USP18: variants seen among roughly 807,000 people sequenced by gnomAD.
USP18 encodes ubiquitin specific peptidase 18, also known as ubl carboxyl-terminal hydrolase 18.
A neutral mutation model predicts 48.7 loss-of-function variants in USP18; 11 were observed. The observed-to-expected ratio is 0.23, with a 90% CI of 0.14 to 0.37. The LOEUF is 0.37. Ranked by LOEUF, USP18 falls within the 10% of genes least tolerant of loss-of-function variation. The pLI is 1.00. For missense variants in USP18, 285 were observed against 436.4 expected (o/e 0.65, Z 3.09); for synonymous variants, 114 against 163.2 (o/e 0.70, Z 2.30).
At position 18,171,652 on chromosome 22, in the gene USP18, T is replaced by TA. The variant is rs991088357; in HGVS notation, c.891+742dup. On this transcript the variant is annotated intron_variant, in intron 8 of 10. Transcript: ENST00000215794. ...TCTCTAAAAACAAAACAAGAAAAAC[T>TA]AAAAAAAAAAGACACAAATATCTTT... is the stretch of plus-strand genomic sequence containing the variant. Among the ~76,000 whole-genome samples the TA allele has an allele frequency of 1.8e-3, 270 of 146,100 alleles. 3 individuals are homozygous for TA. Among genetic ancestry groups the TA allele is most frequent in the South Asian group, 0.013 (58 of 4,576 alleles).
chr22:18,162,891 C>T (rs1282394038), intron 4 of USP18, among the ~76,000 whole-genome samples: 1 of 151,632 alleles, frequency 6.6e-6, no homozygotes, highest in Non-Finnish European at 1.5e-5. Flanking sequence ...CACTCTCCTC[C>T]TTCTGGGACT....
At chr22:18,171,416 G>A (rs1316247028) in intron 8 of USP18, among the ~76,000 whole-genome samples, 2 of 143,164 alleles carry the variant, frequency 1.4e-5, no homozygotes, top group East Asian at 4.0e-4. Context: ...GATTGCTTGA[G>A]CCCAGGAGTT....
At chr22:18,160,750 C>T (rs1423628916) in intron 3 of USP18, among the ~76,000 whole-genome samples, 7 of 149,492 alleles carry the variant, frequency 4.7e-5, no homozygotes, top group African/African-American at 9.9e-5. Context: ...GTCTGGGGTG[C>T]GACCCAAGTA....
chr22:18,157,915 G>A, intron 2 of USP18, 95 bp downstream of exon 2: 1 of 1,508,404 alleles, frequency 6.6e-7, no homozygotes. Context: ...GTATTCGACG[G>A]CTCATGCTTT....
intron 8 of USP18, among the ~76,000 whole-genome samples, chr22:18,171,903 T>C (rs1035166020): frequency 1.5e-4 from 23 of 152,134 alleles, no homozygotes; most frequent in South Asian, 2.1e-4. Flanking sequence ...TCTTTTTCTT[T>C]CCTTCTAGTT....
chr22:18,173,749 T>C (rs754024237), intron 9 of USP18, 44 bp from the exon 10 acceptor site: 5 of 1,604,746 alleles, frequency 3.1e-6, no homozygotes, highest in Non-Finnish European at 3.4e-6. Context: ...CTGTGGGTGC[T>C]TGTGTCAGCT....
At chr22:18,168,687 C>A (rs1929549077) in intron 6 of USP18, among the ~76,000 whole-genome samples, 1 of 152,064 alleles carries the variant, frequency 6.6e-6, no homozygotes, top group Non-Finnish European at 1.5e-5. Context: ...TTGCCCTCCC[C>A]AATTATCTCT....
Position 18,169,832 on chromosome 22 carries a change from T to G in USP18, c.628-12T>G, listed in dbSNP as rs1344906986. On this transcript the variant is annotated splice_polypyrimidine_tract_variant and intron_variant, in intron 6 of 10. Coordinates refer to ENST00000215794, the MANE Select transcript of USP18 (RefSeq NM_017414.4). Reference sequence around the variant, plus strand: ...CAACGCTGCTTTTTCCCTGTTCTCTTGGGTGGGACAGGAGGACGCCCTGCA... The same window carrying G: ...CAACGCTGCTTTTTCCCTGTTCTCTGGGGTGGGACAGGAGGACGCCCTGCA... The G allele has an allele frequency of 1.9e-6, 3 of 1,577,412 alleles. No homozygotes were observed. In the South Asian group the frequency reaches 3.5e-5, roughly 18 times the overall value.
chr22:18,167,501 T>C (rs540226667), intron 5 of USP18, among the ~76,000 whole-genome samples, 167 bp downstream of exon 5: 2 of 152,078 alleles, frequency 1.3e-5, no homozygotes, highest in East Asian at 3.9e-4. Flanking sequence ...ATCGAGACCA[T>C]CCTGGCTAAC....
intron 1 of USP18, among the ~76,000 whole-genome samples, chr22:18,155,073 C>T (rs1051263265): frequency 3.9e-5 from 6 of 152,256 alleles, no homozygotes; most frequent in African/African-American, 1.2e-4. Flanking sequence ...TGCCTGAAGG[C>T]CATAGCTGCC....
At chr22:18,157,090 A>G (rs896820774) in intron 1 of USP18, among the ~76,000 whole-genome samples, 2 of 152,232 alleles carry the variant, frequency 1.3e-5, no homozygotes, top group African/African-American at 4.8e-5. Flanking sequence ...GCCTGCCTGC[A>G]GCTAAGGTTT....
intron 10 of USP18, among the ~76,000 whole-genome samples, chr22:18,174,233 CTT>C (rs1383221696): frequency 5.1e-5 from 7 of 136,430 alleles, no homozygotes; most frequent in Non-Finnish European, 3.1e-5. Flanking sequence ...CTTTTCTTTT[CTT>C]TTTTTTTTTT....
At chr22:18,174,258 G>A (rs1002249890) in intron 10 of USP18, among the ~76,000 whole-genome samples, 18 of 145,408 alleles carry the variant, frequency 1.2e-4, no homozygotes, top group African/African-American at 3.9e-4. Context: ...ACGGAGTCTC[G>A]CTCTGTTGCC....
intron 1 of USP18, among the ~76,000 whole-genome samples, chr22:18,151,857 C>T (rs1385806622): frequency 6.6e-6 from 1 of 152,106 alleles, no homozygotes; most frequent in Non-Finnish European, 1.5e-5. Flanking sequence ...GAGATCAAGA[C>T]CATCCTAGCT....
chr22:18,165,085 G>T (rs1402608008), intron 4 of USP18, among the ~76,000 whole-genome samples: 1 of 135,434 alleles, frequency 7.4e-6, no homozygotes, highest in African/African-American at 2.8e-5. Flanking sequence ...GTTTTACCGT[G>T]TGTCCATGGG....
intron 10 of USP18, among the ~76,000 whole-genome samples, chr22:18,174,374 T>C (rs1365806531): frequency 6.6e-6 from 1 of 151,614 alleles, no homozygotes; most frequent in Non-Finnish European, 1.5e-5. Flanking sequence ...ACTACAGGTG[T>C]GTGCCACCAC....
intron 3 of USP18, among the ~76,000 whole-genome samples, chr22:18,160,751 G>A (rs748589818): frequency 4.7e-5 from 7 of 149,612 alleles, no homozygotes; most frequent in Non-Finnish European, 8.9e-5. Flanking sequence ...TCTGGGGTGC[G>A]ACCCAAGTAT....
rs1307510763 is a variant in USP18 at position 18,173,102 on chromosome 22, T to C, written c.892-48T>C. 1.2e-5 allele frequency: 20 copies of C among 1,604,036 alleles called. No individual in the cohort carries two copies. In the African/African-American group the frequency reaches 2.2e-4, roughly 17 times the overall value. The stretch of plus-strand genomic sequence containing the variant: ...GGGCAGGTATAAATGTGTGAGGCAG[T>C]CGTGTTTGTGGTGGTGGGTGAACTG... On this transcript the variant is annotated intron_variant, in intron 8 of 10. Transcript: ENST00000215794.
chr22:18,174,258 G>T (rs1002249890), intron 10 of USP18, among the ~76,000 whole-genome samples: 2 of 145,410 alleles, frequency 1.4e-5, no homozygotes, highest in Non-Finnish European at 1.5e-5. Flanking sequence ...ACGGAGTCTC[G>T]CTCTGTTGCC....
Sources: allele counts gnomAD v4.1 joint callset (sites outside exome capture counted in the v4.1 genomes callset), GRCh38; gene constraint gnomAD v4.1.1; transcripts MANE v1.5; gene names NCBI Gene and HGNC (gene_info 2026-07-23, HGNC 2026-07-21).